The following TM6SF1 variants were observed in gnomAD, a reference collection of about 807,000 sequenced individuals.
The protein encoded by TM6SF1 is transmembrane 6 superfamily member 1.
TM6SF1 carries 43 observed loss-of-function variants against 47.1 expected under a neutral mutation model. The ratio of observed to expected loss-of-function variants is 0.91; its 90% confidence interval spans 0.72 to 1.18. The LOEUF (loss-of-function observed/expected upper bound fraction) is 1.18, where lower values mean the gene tolerates loss of function less well. TM6SF1 is among the 50% of genes most tolerant of loss of function. TM6SF1 has a pLI of 0.00. For missense variants in TM6SF1, 390 were observed against 449.0 expected (o/e 0.87, Z 1.19); for synonymous variants, 177 against 166.3 (o/e 1.06, Z -0.49).
rs895331938 is a variant in TM6SF1 at position 83,120,919 on chromosome 15, C to A, written c.399-1002C>A. Among the ~76,000 whole-genome samples, 104 of 150,060 alleles carry A rather than the reference C, an allele frequency of 6.9e-4. 1 individual carries two copies. The highest frequency in any genetic ancestry group is 2.4e-3 in the African/African-American group (97 of 40,812). On this transcript the variant is annotated intron_variant, in intron 4 of 9. Coordinates refer to ENST00000322019, the MANE Select transcript of TM6SF1 (RefSeq NM_023003.5). ...TATAATCCCAGTCATTATGAATGGG[C>A]CTCTTGGGGTCTGGTTACATTTGGC...
At chr15:83,115,696 A>C in intron 2 of TM6SF1, 149 bp from the exon 3 acceptor site, 1 of 711,520 alleles carries the variant, frequency 1.4e-6, no homozygotes, top group South Asian at 1.5e-5. Flanking sequence ...GGGTGTGTAG[A>C]AGGGGTATTC....
At chr15:83,109,819 C>T (rs924339235) in intron 1 of TM6SF1, among the ~76,000 whole-genome samples, 1 of 152,222 alleles carries the variant, frequency 6.6e-6, no homozygotes, top group South Asian at 2.1e-4. Flanking sequence ...GCCTCTAGCC[C>T]GGACTCCTGC....
chr15:83,122,095 A>G, intron 5 of TM6SF1, 92 bp downstream of exon 5: 1 of 988,404 alleles, frequency 1.0e-6, no homozygotes, highest in East Asian at 2.5e-5. Flanking sequence ...TAATAGAACC[A>G]AGTGATTCCA....
chr15:83,119,774 G>C, intron 4 of TM6SF1, 93 bp downstream of exon 4: 1 of 1,578,566 alleles, frequency 6.3e-7, no homozygotes, highest in Non-Finnish European at 8.6e-7. Flanking sequence ...AAATACACAA[G>C]CAGGTATACT....
At chr15:83,123,878 G>A (rs945771895) in intron 6 of TM6SF1, among the ~76,000 whole-genome samples, 4 of 152,208 alleles carry the variant, frequency 2.6e-5, no homozygotes, top group African/African-American at 9.6e-5. Context: ...GGCCAAGCAG[G>A]CATTGTCATA....
At chr15:83,111,887 G>A (rs1349917309) in intron 1 of TM6SF1, among the ~76,000 whole-genome samples, 1 of 152,150 alleles carries the variant, frequency 6.6e-6, no homozygotes, top group Non-Finnish European at 1.5e-5. Flanking sequence ...TGCAACAATG[G>A]CTACCACATA....
chr15:83,115,261 G>C, intron 2 of TM6SF1: 1 of 207,500 alleles, frequency 4.8e-6, no homozygotes, highest in South Asian at 8.4e-5. Context: ...GGGATTACAG[G>C]CGTGCACCAC....
chr15:83,120,918 G>T (rs1248245922), intron 4 of TM6SF1, among the ~76,000 whole-genome samples: 3 of 150,212 alleles, frequency 2.0e-5, no homozygotes, highest in African/African-American at 7.4e-5. Context: ...TTATGAATGG[G>T]CCTCTTGGGG....
At position 83,124,783 on chromosome 15, in the gene TM6SF1, A is replaced by C. The variant is rs779066184; in HGVS notation, c.708+7A>C. ...TTGCCTGTTCAGAGGTTTGGTAAGCATAACAGATCATAATAACGTAACATT... is the reference window on the plus strand; with the variant it reads ...TTGCCTGTTCAGAGGTTTGGTAAGCCTAACAGATCATAATAACGTAACATT... On this transcript the variant is annotated splice_region_variant and intron_variant, in intron 7 of 9. Transcript: ENST00000322019. The C allele has an allele frequency of 6.3e-7, 1 of 1,592,222 alleles. No homozygotes were observed. The highest frequency in any genetic ancestry group is 8.6e-7 in the Non-Finnish European group (1 of 1,160,404).
At chr15:83,113,955 T>G (rs1234188014) in intron 2 of TM6SF1, 1 of 152,258 alleles carries the variant, frequency 6.6e-6, no homozygotes, top group East Asian at 1.9e-4. Flanking sequence ...GGAAGAATTG[T>G]GAGTAACTAG....
intron 3 of TM6SF1, among the ~76,000 whole-genome samples, chr15:83,118,134 G>A (rs926938932): frequency 6.6e-6 from 1 of 152,130 alleles, no homozygotes; most frequent in African/African-American, 2.4e-5. Context: ...GACAAAGGCG[G>A]GAGGATCGCT....
rs1030442852 is a variant in TM6SF1 at position 83,115,883 on chromosome 15, A to C, written c.235A>C (p.Ile79Leu). Reference sequence around the variant, plus strand: ...TGGATTTACCAGCGTGGTGAACCTCATCATAGGACTGGAGCAAGATGGAAT... The same window carrying C: ...TGGATTTACCAGCGTGGTGAACCTCCTCATAGGACTGGAGCAAGATGGAAT... Reference protein sequence around the residue: ...VFGFTSVVNLIIGLEQDGIID... With the variant: ...VFGFTSVVNLLIGLEQDGIID... The change falls in exon 3 of 10, where the codon ATC becomes CTC. Residue 79 changes from isoleucine (I) to leucine (L), a missense_variant. Ile to Leu is a conservative substitution (Grantham distance 5). Coordinates refer to ENST00000322019, the MANE Select transcript of TM6SF1 (RefSeq NM_023003.5). 3.1e-6 allele frequency: 5 copies of C among 1,614,084 alleles called. No homozygotes were observed. Among genetic ancestry groups the C allele is most frequent in the Non-Finnish European group, 4.2e-6 (5 of 1,180,042 alleles).
chr15:83,119,632 T>G lies in TM6SF1; in HGVS notation c.349T>G (p.Ser117Ala). The G allele has an allele frequency of 6.2e-7, 1 of 1,614,238 alleles. No homozygotes were observed. The highest frequency in any genetic ancestry group is 8.5e-7 in the Non-Finnish European group (1 of 1,180,030). ...YGHMICYWDG[S>A]AHYLMYLVMV... ...GCACATGATCTGCTACTGGGATGGC[T>G]CTGCTCATTATCTGATGTACCTGGT... is the stretch of plus-strand genomic sequence containing the variant. The change falls in exon 4 of 10, where the codon TCT becomes GCT. Residue 117 changes from serine to alanine, a missense_variant. Coordinates refer to ENST00000322019, the MANE Select transcript of TM6SF1 (RefSeq NM_023003.5).
At chr15:83,132,658 T>C (rs1183058032) in intron 9 of TM6SF1, 2 of 152,108 alleles carry the variant, frequency 1.3e-5, no homozygotes, top group African/African-American at 4.8e-5. Flanking sequence ...CATCCCAAAG[T>C]GCTGGGATTA....
Position 83,107,762 on chromosome 15 carries a change from G to A in TM6SF1, c.82G>A (p.Ala28Thr). 6.3e-7 allele frequency: 1 copy of A among 1,582,136 alleles called. No individual in the cohort carries two copies. Among genetic ancestry groups the A allele is most frequent in the Non-Finnish European group, 8.6e-7 (1 of 1,165,766 alleles). ...CACCTATGTCTTCAACCACCTGGCGGCCCAGCATGAGTGAGTGAGCCGGCG... is the reference window on the plus strand; with the variant it reads ...CACCTATGTCTTCAACCACCTGGCGACCCAGCATGAGTGAGTGAGCCGGCG... ...PVTYVFNHLA[A>T]QHDSWTIVGV... The change falls in exon 1 of 10, where the codon GCC becomes ACC. Residue 28 changes from alanine to threonine, a missense_variant. Physicochemically the swap from Ala to Thr is moderately conservative, Grantham distance 58. Transcript: ENST00000322019. This position sits in a 1 kb window ranked among gnomAD's most constrained non-coding sequence, Gnocchi z 5.6.
At chr15:83,127,233 A>AT in intron 8 of TM6SF1, 125 bp from the exon 9 acceptor site, 3 of 887,954 alleles carry the variant, frequency 3.4e-6, no homozygotes, top group Non-Finnish European at 4.7e-6. Flanking sequence ...AAAAAAAAAA[A>AT]GAGTCCCATA....
At chr15:83,119,215 C>G (rs1943239025) in intron 3 of TM6SF1, among the ~76,000 whole-genome samples, 1 of 152,230 alleles carries the variant, frequency 6.6e-6, no homozygotes, top group Non-Finnish European at 1.5e-5. Flanking sequence ...TCCCTGGCCA[C>G]CTCTCTGGTC....
chr15:83,120,187 G>A (rs2035088021), intron 4 of TM6SF1: 1 of 159,590 alleles, frequency 6.3e-6, no homozygotes, highest in South Asian at 1.8e-4. Context: ...CAGGAGCCGA[G>A]TCTGATGTGA....
chr15:83,115,708 G>T, intron 2 of TM6SF1, 137 bp from the exon 3 acceptor site: 1 of 726,976 alleles, frequency 1.4e-6, no homozygotes. Context: ...GGGGTATTCT[G>T]TTAGTCTATC....
Sources: gnomAD v4.1 joint callset for allele counts (sites outside exome capture counted in the v4.1 genomes callset) on GRCh38, gnomAD v4.1.1 for gene constraint, Gnocchi (gnomAD v3.1) non-coding constraint, MANE v1.5 for transcripts, NCBI Gene and HGNC (gene_info 2026-07-23, HGNC 2026-07-21) for gene names.